The following MAPK8IP3 variants were observed in gnomAD, a reference collection of about 807,000 sequenced individuals.
The protein encoded by MAPK8IP3 is C-Jun-amino-terminal kinase-interacting protein 3.
Under a neutral mutation model 157.8 loss-of-function variants are expected in MAPK8IP3, and 49 were observed. That is an observed-to-expected ratio of 0.31 (90% CI 0.25 to 0.39). The LOEUF (loss-of-function observed/expected upper bound fraction) is 0.39. Ranked by LOEUF, MAPK8IP3 falls within the 10% of genes least tolerant of loss-of-function variation. The pLI is 1.00. For synonymous variants in MAPK8IP3, 897 were observed against 777.7 expected (o/e 1.15, Z -2.55); for missense variants, 1,478 against 1,889.4 (o/e 0.78, Z 4.04).
intron 5 of MAPK8IP3, chr16:1,745,463 G>C (rs1291470808): frequency 1.3e-5 from 2 of 152,374 alleles, no homozygotes; most frequent in Non-Finnish European, 2.9e-5. Context: ...GAAGAGCAAG[G>C]GTTTTCCTTT....
At chr16:1,736,722 C>G (rs1410675599) in intron 4 of MAPK8IP3, among the ~76,000 whole-genome samples, 25 of 48,952 alleles carry the variant, frequency 5.1e-4, no homozygotes, top group South Asian at 1.2e-3. Flanking sequence ...GAGCGTGTGA[C>G]CGTCCGTGTG....
intron 4 of MAPK8IP3, among the ~76,000 whole-genome samples, chr16:1,733,750 A>G (rs929802176): frequency 6.6e-6 from 1 of 152,142 alleles, no homozygotes; most frequent in Admixed American, 6.5e-5. Context: ...CGGCTCCTGA[A>G]GGCTATGTCA....
chr16:1,722,846 C>T (rs1188683278), intron 1 of MAPK8IP3, among the ~76,000 whole-genome samples: 6 of 150,734 alleles, frequency 4.0e-5, no homozygotes, highest in East Asian at 2.0e-4. Flanking sequence ...GGACTACAGG[C>T]GCCTGCCACC....
In MAPK8IP3 at chr16:1,706,304, G is replaced by T. The variant is rs1045136773; in HGVS notation, c.-36G>T. 2 of 1,511,340 alleles carry T rather than the reference G, an allele frequency of 1.3e-6. No homozygotes were observed. The highest frequency in any genetic ancestry group is 1.4e-5 in the African/African-American group (1 of 71,598). 93.6% of individuals were successfully genotyped at this position (1,511,340 alleles called of 1,614,324 possible). A position where few individuals can be genotyped will look rare whatever the true frequency, so the allele number is the denominator to read the frequency against. On this transcript the variant is annotated 5_prime_UTR_variant, in exon 1 of 32. Transcript: ENST00000610761. The surrounding 1 kb of genome is among the most constrained non-coding windows in gnomAD (Gnocchi z 5.1). ...CTGGGGAGGGCCGGGCGCGCCGGCC[G>T]GATAGCGAGCCGCGCTGGCGGCGGC...
At chr16:1,736,147 T>C (rs111797149) in intron 4 of MAPK8IP3, among the ~76,000 whole-genome samples, 72 of 114,182 alleles carry the variant, frequency 6.3e-4, no homozygotes, top group Middle Eastern at 5.1e-3. Flanking sequence ...TGTGAGCATC[T>C]GTGTGACCGT....
At position 1,741,882 on chromosome 16, in the gene MAPK8IP3, A is replaced by G. The variant is rs1232431503; in HGVS notation, c.603-1450A>G. Among the ~76,000 whole-genome samples, 1 of 152,098 alleles carries G rather than the reference A, an allele frequency of 6.6e-6. No individual in the cohort carries two copies. The highest frequency in any genetic ancestry group is 2.4e-5 in the African/African-American group (1 of 41,412). On this transcript the variant is annotated intron_variant, in intron 4 of 31. Coordinates refer to ENST00000610761, the MANE Select transcript of MAPK8IP3 (RefSeq NM_001318852.2). This position sits in a 1 kb window ranked among gnomAD's most constrained non-coding sequence, Gnocchi z 6.9. The stretch of plus-strand genomic sequence containing the variant: ...GCAGGCGGCCAGTCCCCAGAGCTGT[A>G]TGCACCCCACAAAGAGACCCCTTCC...
intron 9 of MAPK8IP3, among the ~76,000 whole-genome samples, chr16:1,758,392 C>T (rs767874946): frequency 5.9e-5 from 9 of 152,216 alleles, no homozygotes; most frequent in African/African-American, 1.2e-4. Context: ...GAGTCCCCCG[C>T]GGGCCATTTC....
chr16:1,743,269 C>T lies in MAPK8IP3; in HGVS notation c.603-63C>T. 6.8e-7 allele frequency: 1 copy of T among 1,473,844 alleles called. No homozygotes were observed. The highest frequency in any genetic ancestry group is 8.9e-7 in the Non-Finnish European group (1 of 1,118,836). 91.3% of individuals were successfully genotyped at this position (1,473,844 alleles called of 1,614,324 possible). ...TCGAGGTCTGCTTGCCCTGGGAGGG[C>T]TTGGGAAATCTTCACGGCCACCCTC... On this transcript the variant is annotated intron_variant, in intron 4 of 31. Transcript: ENST00000610761. The surrounding 1 kb of genome is among the most constrained non-coding windows in gnomAD (Gnocchi z 5.6).
rs1462252855 is a variant in MAPK8IP3 at position 1,748,510 on chromosome 16, C to T, written c.1098-92C>T. ...CAGGGCAGTGTGGGCATTGAATGGC[C>T]ACGGTGGGAGGTGTTGGAAGAGTCT... On this transcript the variant is annotated intron_variant, in intron 7 of 31. Coordinates refer to ENST00000610761, the MANE Select transcript of MAPK8IP3 (RefSeq NM_001318852.2). 5 of 1,201,928 alleles carry T rather than the reference C, an allele frequency of 4.2e-6. No individual in the cohort carries two copies. In the African/African-American group the frequency reaches 7.5e-5, roughly 18 times the overall value. 74.5% of individuals were successfully genotyped at this position (1,201,928 alleles called of 1,614,324 possible). A position where few individuals can be genotyped will look rare whatever the true frequency, so the allele number is the denominator to read the frequency against.
chr16:1,727,486 A>G (rs936555148), intron 2 of MAPK8IP3, among the ~76,000 whole-genome samples: 2 of 151,826 alleles, frequency 1.3e-5, no homozygotes, highest in African/African-American at 4.8e-5. Flanking sequence ...ATCGTGTGTC[A>G]GGTGCAGCGT....
chr16:1,767,234 C>T lies in MAPK8IP3; in HGVS notation c.3174C>T (p.Asp1058=). The part of the protein sequence containing the change: ...HSIRCMAVVY[D]RVWCGYKNKV... ...TCCGCTGCATGGCTGTTGTGTACGACCGCGTGTGGTGTGGCTACAAGAACA... is the reference window on the plus strand; with the variant it reads ...TCCGCTGCATGGCTGTTGTGTACGATCGCGTGTGGTGTGGCTACAAGAACA... Residue 1058 remains aspartate, a synonymous_variant, in exon 26 of 32, where the codon GAC becomes GAT. Coordinates refer to ENST00000610761, the MANE Select transcript of MAPK8IP3 (RefSeq NM_001318852.2). 1 of 1,613,492 alleles carries T rather than the reference C, an allele frequency of 6.2e-7. No homozygotes were observed. The highest frequency in any genetic ancestry group is 8.5e-7 in the Non-Finnish European group (1 of 1,180,018).
rs767472466 is a variant in MAPK8IP3 at position 1,761,297 on chromosome 16, A to G, written c.1531A>G (p.Thr511Ala). The change falls in exon 13 of 32, where the codon ACA becomes GCA. Residue 511 changes from threonine (T) to alanine (A), a missense_variant. By Grantham distance (58) the Thr-to-Ala change is moderately conservative. Transcript: ENST00000610761. ...EAEDVSSYLC[T>A]ESDKIPMAQR... The stretch of plus-strand genomic sequence containing the variant: ...GGAGGATGTAAGCAGCTATCTCTGT[A>G]CAGAATCGGTACATCCACTCTTCAC... The G allele has an allele frequency of 1.2e-6, 2 of 1,613,332 alleles. No individual in the cohort carries two copies. The highest frequency in any genetic ancestry group is 1.7e-6 in the Non-Finnish European group (2 of 1,179,946).
At position 1,767,614 on chromosome 16, in the gene MAPK8IP3, G is replaced by A. The variant is rs750912040; in HGVS notation, c.3288G>A (p.Ala1096=). 4.2e-5 allele frequency: 67 copies of A among 1,612,422 alleles called. No individual in the cohort carries two copies. The highest frequency in any genetic ancestry group is 8.0e-5 in the African/African-American group (6 of 74,914). Reference sequence around the variant, plus strand: ...GGGAGAGCCAGGTGCGGCAGCTGGCGTGGATCGGCGATGGCGTATGGGTGT... The same window carrying A: ...GGGAGAGCCAGGTGCGGCAGCTGGCATGGATCGGCGATGGCGTATGGGTGT... The part of the protein sequence containing the change: ...PRRESQVRQL[A]WIGDGVWVSI... The change falls in exon 27 of 32, where the codon GCG becomes GCA. Residue 1096 remains alanine, a synonymous_variant. Coordinates refer to ENST00000610761, the MANE Select transcript of MAPK8IP3 (RefSeq NM_001318852.2).
At chr16:1,767,470 G>A (rs1644578257) in intron 26 of MAPK8IP3, 94 bp from the exon 27 acceptor site, 2 of 1,520,306 alleles carry the variant, frequency 1.3e-6, no homozygotes, top group East Asian at 2.3e-5. Flanking sequence ...AGGTCTGAGG[G>A]GACTGCAGGT....
chr16:1,730,146 A>AGCTACTCAG (rs2039208541), intron 4 of MAPK8IP3, among the ~76,000 whole-genome samples: 1 of 151,878 alleles, frequency 6.6e-6, no homozygotes, highest in South Asian at 2.1e-4. Flanking sequence ...CTGTAGTCCC[A>AGCTACTCAG]GCTACTCAGG....
rs771839993 is a variant in MAPK8IP3, at chr16:1,729,574, CGGAGGTACGCGGGGCGCGGCGGGGT to C, written c.602+21_602+45del. 9.9e-4 allele frequency: 1,576 copies of C among 1,595,674 alleles called. 3 individuals carry two copies. Among genetic ancestry groups the C allele is most frequent in the South Asian group, 2.7e-3 (237 of 89,378 alleles). On this transcript the variant is annotated splice_donor_variant and splice_donor_5th_base_variant and coding_sequence_variant and intron_variant, in exon 4 of 32. Transcript: ENST00000610761. LOFTEE classifies it high-confidence loss of function. The stretch of plus-strand genomic sequence containing the variant: ...CCAGACCGAGAGCAGCCTGCCGGGG[CGGAGGTACGCGGGGCGCGGCGGGGT>C]GGAGGTACGCGGGGCGCGGCGGGGC...
At chr16:1,738,287 T>C (rs1220792020) in intron 4 of MAPK8IP3, among the ~76,000 whole-genome samples, 38 of 77,466 alleles carry the variant, frequency 4.9e-4, no homozygotes, top group Middle Eastern at 7.7e-3. Context: ...AGTGTGACCA[T>C]CCATGTGAGC....
intron 1 of MAPK8IP3, among the ~76,000 whole-genome samples, chr16:1,717,226 A>C (rs2038210078): frequency 6.9e-6 from 1 of 144,100 alleles, no homozygotes; most frequent in Non-Finnish European, 1.5e-5. Flanking sequence ...ACGGAGTAAA[A>C]CTCCATCTCA....
intron 2 of MAPK8IP3, among the ~76,000 whole-genome samples, chr16:1,728,472 T>G (rs1190502024): frequency 6.6e-6 from 1 of 152,230 alleles, no homozygotes; most frequent in Non-Finnish European, 1.5e-5. Flanking sequence ...CTCAGAAGCT[T>G]GTGGCTGACT....
Sources: gnomAD v4.1 joint callset for allele counts (sites outside exome capture counted in the v4.1 genomes callset) on GRCh38, gnomAD v4.1.1 for gene constraint, Gnocchi (gnomAD v3.1) non-coding constraint, MANE v1.5 for transcripts, NCBI Gene and HGNC (gene_info 2026-07-23, HGNC 2026-07-21) for gene names.